Variants in CEP128 observed in about 807,000 individuals in gnomAD.
The protein encoded by CEP128 is centrosomal protein 128.
In CEP128, 132 loss-of-function variants were observed where a neutral mutation model predicts 156.7. The observed-to-expected ratio is 0.84, with a 90% CI of 0.73 to 0.97. CEP128 has a LOEUF of 0.97. Among genes scored for constraint, CEP128 ranks in the 50% least tolerant of loss-of-function variants. The probability of loss-of-function intolerance (pLI) is 0.00; values close to 1 mark genes in which losing one functional copy is unlikely to be tolerated. For missense variants in CEP128, 1,252 were observed against 1,281.9 expected, an observed-to-expected ratio of 0.98 and a Z score of 0.36; for synonymous variants, 469 against 448.9, an observed-to-expected ratio of 1.04 and a Z score of -0.57.
At chr14:80,592,207 T>C (rs1443766799) in intron 19 of CEP128, among the ~76,000 whole-genome samples, 5 of 152,274 alleles carry the variant, frequency 3.3e-5, no homozygotes, top group Admixed American at 3.3e-4. Context: ...AAAAAATCAA[T>C]GAATCCAGGA....
chr14:80,841,304 A>C (rs1886338892), intron 9 of CEP128, among the ~76,000 whole-genome samples: 1 of 152,070 alleles, frequency 6.6e-6, no homozygotes, highest in African/African-American at 2.4e-5. Context: ...AAGTCCATAC[A>C]GCTTGTGAAA....
intron 13 of CEP128, among the ~76,000 whole-genome samples, chr14:80,805,163 A>G (rs1245289820): frequency 6.6e-6 from 1 of 151,890 alleles, no homozygotes; most frequent in Non-Finnish European, 1.5e-5. Context: ...TAACCTAGAT[A>G]AATCTAGGAG....
At chr14:80,637,406 G>GA (rs1380120993) in intron 19 of CEP128, among the ~76,000 whole-genome samples, 1 of 152,106 alleles carries the variant, frequency 6.6e-6, no homozygotes, top group African/African-American at 2.4e-5. Flanking sequence ...TGCAAGGACA[G>GA]AAAAAAGATG....
At chr14:80,557,810 T>C (rs1053191870) in intron 21 of CEP128, among the ~76,000 whole-genome samples, 1 of 152,106 alleles carries the variant, frequency 6.6e-6, no homozygotes, top group African/African-American at 2.4e-5. Context: ...AACCTTATTA[T>C]CTAAAGATTT....
chr14:80,827,532 G>C (rs1004373597), intron 13 of CEP128, among the ~76,000 whole-genome samples: 2 of 152,202 alleles, frequency 1.3e-5, no homozygotes, highest in African/African-American at 4.8e-5. Flanking sequence ...CGAAAGCATA[G>C]AAGATTGCTG....
At chr14:80,532,147 A>G (rs949152365) in intron 21 of CEP128, among the ~76,000 whole-genome samples, 30 of 152,136 alleles carry the variant, frequency 2.0e-4, no homozygotes, top group Non-Finnish European at 3.5e-4. Context: ...TAAGTAGTCA[A>G]CTGGCTCATT....
intron 12 of CEP128, among the ~76,000 whole-genome samples, chr14:80,835,694 A>G (rs1385966518): frequency 6.6e-6 from 1 of 152,206 alleles, no homozygotes; most frequent in Non-Finnish European, 1.5e-5. Context: ...AACACAAAGT[A>G]TTCCTAAACC....
chr14:80,497,847 T>C (rs1887561482), intron 24 of CEP128, among the ~76,000 whole-genome samples: 1 of 152,196 alleles, frequency 6.6e-6, no homozygotes, highest in Non-Finnish European at 1.5e-5. Flanking sequence ...GATACAATGA[T>C]ATAAACCACA....
intron 19 of CEP128, among the ~76,000 whole-genome samples, chr14:80,691,915 A>G (rs948738204): frequency 6.6e-6 from 1 of 152,242 alleles, no homozygotes; most frequent in Non-Finnish European, 1.5e-5. Flanking sequence ...ATCCAAAATT[A>G]CAAAGATATT....
intron 19 of CEP128, among the ~76,000 whole-genome samples, chr14:80,615,776 G>T (rs1299875240): frequency 6.6e-6 from 1 of 152,164 alleles, no homozygotes; most frequent in Non-Finnish European, 1.5e-5. Context: ...TTGAACCCGG[G>T]AGGCAGAGTT....
At chr14:80,556,578 G>A (rs1220684682) in intron 21 of CEP128, among the ~76,000 whole-genome samples, 1 of 152,084 alleles carries the variant, frequency 6.6e-6, no homozygotes, top group Non-Finnish European at 1.5e-5. Flanking sequence ...ATAGATAATT[G>A]GTGGCAAGCT....
intron 13 of CEP128, among the ~76,000 whole-genome samples, chr14:80,815,225 A>C (rs1292237144): frequency 6.6e-6 from 1 of 152,210 alleles, no homozygotes; most frequent in Non-Finnish European, 1.5e-5. Context: ...AATAACAATA[A>C]TAATAATAAG....
intron 19 of CEP128, among the ~76,000 whole-genome samples, chr14:80,697,076 C>T (rs1896916688): frequency 6.6e-6 from 1 of 152,068 alleles, no homozygotes; most frequent in Non-Finnish European, 1.5e-5. Flanking sequence ...TGGATTCAAC[C>T]TACAGCCTTA....
intron 19 of CEP128, among the ~76,000 whole-genome samples, chr14:80,704,788 CTTCTTTCT>C (rs567001114): frequency 7.3e-6 from 1 of 136,504 alleles, no homozygotes; most frequent in East Asian, 2.0e-4. Flanking sequence ...TTATTGCCTT[CTTCTTTCT>C]TTCTACCTTT....
At chr14:80,861,547 G>T (rs1177828471) in intron 9 of CEP128, among the ~76,000 whole-genome samples, 1 of 151,902 alleles carries the variant, frequency 6.6e-6, no homozygotes, top group Non-Finnish European at 1.5e-5. Flanking sequence ...TAGTCATGAA[G>T]AAACATCAAG....
chr14:80,764,523 A>G (rs1900142432), intron 16 of CEP128, among the ~76,000 whole-genome samples: 1 of 152,100 alleles, frequency 6.6e-6, no homozygotes, highest in African/African-American at 2.4e-5. Context: ...AAAAGAAAAA[A>G]AAAAAAGAAA....
chr14:80,958,568 A>T lies in CEP128; in HGVS notation c.-279-283T>A, dbSNP rs190124978. On this transcript the variant is annotated intron_variant, in intron 1 of 7. Transcript: ENST00000555529. ...AAAGCAGGAGGTTAGCAGGGAAAGG[A>T]AAGAAGAAGGAAGGAAGAAAGAGAG... 8.0e-3 allele frequency among the ~76,000 whole-genome samples: 1,214 copies of T among 152,304 alleles called. 10 individuals carry two copies. Among genetic ancestry groups the T allele is most frequent in the Non-Finnish European group, 9.8e-3 (669 of 68,018 alleles).
At chr14:80,723,626 T>C (rs1291807014) in intron 19 of CEP128, among the ~76,000 whole-genome samples, 1 of 152,224 alleles carries the variant, frequency 6.6e-6, no homozygotes, top group Non-Finnish European at 1.5e-5. Context: ...CATTAAAATA[T>C]TCAGGGCTAA....
intron 4 of CEP128, among the ~76,000 whole-genome samples, chr14:80,907,268 G>C (rs556640582): frequency 1.3e-5 from 2 of 150,440 alleles, no homozygotes; most frequent in Non-Finnish European, 3.0e-5. Flanking sequence ...TCTCATTTCC[G>C]AAAGAAAAAA....
Sources: gnomAD v4.1 joint callset for allele counts (sites outside exome capture counted in the v4.1 genomes callset) on GRCh38, gnomAD v4.1.1 for gene constraint, MANE v1.5 for transcripts, NCBI Gene and HGNC (gene_info 2026-07-23, HGNC 2026-07-21) for gene names.